PDE4D: variants seen among roughly 807,000 people sequenced by gnomAD.
PDE4D encodes phosphodiesterase 4D.
Under a neutral mutation model 87.4 loss-of-function variants are expected in PDE4D, and 24 were observed. That is an observed-to-expected ratio of 0.27 (90% CI 0.20 to 0.39). PDE4D has a LOEUF of 0.39. Ranked by LOEUF, PDE4D falls within the 10% of genes least tolerant of loss-of-function variation. The probability of loss-of-function intolerance (pLI) is 1.00; values close to 1 mark genes in which losing one functional copy is unlikely to be tolerated. For synonymous variants in PDE4D, 384 were observed against 383.2 expected (o/e 1.00, Z -0.02); for missense variants, 714 against 1,041.0 (o/e 0.69, Z 4.32).
At chr5:60,503,043 A>T (rs1750165520) in intron 1 of PDE4D, among the ~76,000 whole-genome samples, 2 of 152,116 alleles carry the variant, frequency 1.3e-5, no homozygotes, top group Admixed American at 6.6e-5. Context: ...GCTTTTGTGA[A>T]ATCACTGAAC....
intron 1 of PDE4D, among the ~76,000 whole-genome samples, chr5:60,398,831 CAG>C (rs1763075258): frequency 6.6e-6 from 1 of 152,124 alleles, no homozygotes; most frequent in African/African-American, 2.4e-5. Context: ...AAATGAGAAA[CAG>C]ACTCAGAGGG....
chr5:60,000,925 A>T (rs537019217), intron 2 of PDE4D, among the ~76,000 whole-genome samples: 6 of 152,200 alleles, frequency 3.9e-5, no homozygotes, highest in Middle Eastern at 3.4e-3. Context: ...GTTCTCGGAG[A>T]CAGGCTTGCC....
chr5:59,984,351 G>A (rs1762204549), intron 3 of PDE4D, among the ~76,000 whole-genome samples: 1 of 152,068 alleles, frequency 6.6e-6, no homozygotes, highest in Admixed American at 6.5e-5. Flanking sequence ...CTCTTACTTC[G>A]AGGAAGGTCA....
At chr5:59,441,478 G>A (rs777027150) in intron 1 of PDE4D, among the ~76,000 whole-genome samples, 6 of 152,108 alleles carry the variant, frequency 3.9e-5, no homozygotes, top group Non-Finnish European at 5.9e-5. Flanking sequence ...CATCAGTCTC[G>A]GTTCTTTTGG....
At chr5:60,309,227 T>G (rs1754780772) in intron 1 of PDE4D, among the ~76,000 whole-genome samples, 1 of 151,404 alleles carries the variant, frequency 6.6e-6, no homozygotes, top group Non-Finnish European at 1.5e-5. Context: ...GGGAGAAACA[T>G]GAGGGAGGAG....
At chr5:59,026,116 T>C (rs1756187655) in intron 6 of PDE4D, among the ~76,000 whole-genome samples, 3 of 152,214 alleles carry the variant, frequency 2.0e-5, no homozygotes, top group South Asian at 2.1e-4. Flanking sequence ...TGGAACAAAC[T>C]AATAAGAAGA....
chr5:60,311,985 T>G (rs1189355984), intron 1 of PDE4D, among the ~76,000 whole-genome samples: 1 of 152,156 alleles, frequency 6.6e-6, no homozygotes, highest in East Asian at 1.9e-4. Context: ...CAATTCAACA[T>G]GAAGACCTAA....
chr5:60,114,110 C>G (rs891901786), intron 2 of PDE4D, among the ~76,000 whole-genome samples: 4 of 152,120 alleles, frequency 2.6e-5, no homozygotes, highest in African/African-American at 9.7e-5. Flanking sequence ...AAAGTTGATG[C>G]TCCACCCGAT....
intron 1 of PDE4D, among the ~76,000 whole-genome samples, chr5:59,626,069 AAG>A (rs1259541990): frequency 6.6e-6 from 1 of 152,204 alleles, no homozygotes; most frequent in Non-Finnish European, 1.5e-5. Flanking sequence ...GCCTGGGTGA[AAG>A]AGTGAGACTC....
In PDE4D at chr5:59,048,783, T is replaced by A. The variant is rs138170518; in HGVS notation, c.809-9812A>T. Among the ~76,000 whole-genome samples the A allele has an allele frequency of 1.2e-3, 182 of 152,338 alleles. 3 individuals are homozygous for A. Among genetic ancestry groups the A allele is most frequent in the African/African-American group, 4.1e-3 (172 of 41,598 alleles). On this transcript the variant is annotated intron_variant, in intron 5 of 14. Coordinates refer to ENST00000340635, the MANE Select transcript of PDE4D (RefSeq NM_001104631.2). ...CACTCCTACCCCTACCATATTCCCA[T>A]CCAATACTTTGCCAGTTGACTTACC... is the stretch of plus-strand genomic sequence containing the variant.
intron 1 of PDE4D, among the ~76,000 whole-genome samples, chr5:59,432,616 T>G (rs2153632440): frequency 6.6e-6 from 1 of 152,230 alleles, no homozygotes; most frequent in South Asian, 2.1e-4. Context: ...GTTTATTTCT[T>G]TATAGTATGA....
intron 1 of PDE4D, among the ~76,000 whole-genome samples, chr5:59,395,159 C>T (rs947142080): frequency 2.0e-5 from 3 of 151,528 alleles, no homozygotes; most frequent in Middle Eastern, 3.2e-3. Flanking sequence ...GGGGGAGGGG[C>T]GCCCACCATT....
intron 1 of PDE4D, among the ~76,000 whole-genome samples, chr5:60,367,965 T>C (rs1583544946): frequency 6.6e-6 from 1 of 152,288 alleles, no homozygotes. Context: ...CTGTACGTCA[T>C]TACTGAGCGT....
rs1313941669 is a variant in PDE4D at position 59,480,578 on chromosome 5, G to T, written c.456-264610C>A. 2.6e-5 allele frequency among the ~76,000 whole-genome samples: 4 copies of T among 152,126 alleles called. No individual in the cohort carries two copies. In the East Asian group the frequency reaches 7.7e-4, roughly 29 times the overall value. ...TGTAGTCACATCATCATGGCATGTGGCCATGTTGGGTCACTGAGATTCACT... is the reference window on the plus strand; with the variant it reads ...TGTAGTCACATCATCATGGCATGTGTCCATGTTGGGTCACTGAGATTCACT... On this transcript the variant is annotated intron_variant, in intron 1 of 14. Transcript: ENST00000340635.
chr5:58,984,114 T>A (rs1745868529), intron 11 of PDE4D, among the ~76,000 whole-genome samples: 1 of 152,210 alleles, frequency 6.6e-6, no homozygotes, highest in African/African-American at 2.4e-5. Context: ...ACACCATGTC[T>A]CTAAGTTACA....
intron 5 of PDE4D, among the ~76,000 whole-genome samples, chr5:59,072,927 T>A (rs538527059): frequency 8.6e-4 from 131 of 152,194 alleles, no homozygotes; most frequent in Non-Finnish European, 1.7e-3. Context: ...TGCTTGTGGT[T>A]CCTGTCATTT....
chr5:59,478,453 C>T (rs928702598), intron 1 of PDE4D, among the ~76,000 whole-genome samples: 1 of 152,038 alleles, frequency 6.6e-6, no homozygotes, highest in Non-Finnish European at 1.5e-5. Flanking sequence ...AAAGGACAAC[C>T]TGTTTTTAAG....
At chr5:60,447,159 C>G (rs1045811370) in intron 1 of PDE4D, among the ~76,000 whole-genome samples, 1 of 152,148 alleles carries the variant, frequency 6.6e-6, no homozygotes, top group African/African-American at 2.4e-5. Flanking sequence ...TGGAGCAGGG[C>G]AAGTGGCATG....
chr5:60,432,439 A>G (rs1272820916), intron 1 of PDE4D, among the ~76,000 whole-genome samples: 1 of 152,112 alleles, frequency 6.6e-6, no homozygotes, highest in Non-Finnish European at 1.5e-5. Flanking sequence ...GGAACTTGCT[A>G]TTGGTCTGAT....
Sources: gnomAD v4.1 joint callset for allele counts (sites outside exome capture counted in the v4.1 genomes callset) on GRCh38, gnomAD v4.1.1 for gene constraint, MANE v1.5 for transcripts, NCBI Gene and HGNC (gene_info 2026-07-23, HGNC 2026-07-21) for gene names.